PTPN21: variants seen among roughly 807,000 people sequenced by gnomAD.
The protein encoded by PTPN21 is tyrosine-protein phosphatase non-receptor type 21.
Under a neutral mutation model 131.8 loss-of-function variants are expected in PTPN21, and 77 were observed. The ratio of observed to expected loss-of-function variants is 0.58; its 90% CI spans 0.49 to 0.71. PTPN21 has a LOEUF of 0.71. Ranked by LOEUF, PTPN21 falls within the 30% of genes least tolerant of loss-of-function variation. The pLI is 0.00. For synonymous variants in PTPN21, 715 were observed against 621.3 expected, an observed-to-expected ratio of 1.15 and a Z score of -2.24; for missense variants, 1,552 against 1,527.1, an observed-to-expected ratio of 1.02 and a Z score of -0.27.
intron 2 of PTPN21, among the ~76,000 whole-genome samples, chr14:88,531,556 CA>C (rs1000688399): frequency 6.6e-6 from 1 of 151,526 alleles, no homozygotes; most frequent in Non-Finnish European, 1.5e-5. Flanking sequence ...GACTCCATCT[CA>C]AAAAAACAAA....
intron 2 of PTPN21, among the ~76,000 whole-genome samples, chr14:88,521,139 A>G (rs1483434815): frequency 1.3e-5 from 2 of 152,036 alleles, no homozygotes; most frequent in Non-Finnish European, 2.9e-5. Context: ...CCACTGTGCC[A>G]GCCTGAAAAC....
rs1281848036 is a variant in PTPN21, at chr14:88,467,333, T to C, written c.*804A>G. On this transcript the variant is annotated 3_prime_UTR_variant, in exon 19 of 19. Coordinates refer to ENST00000556564, the MANE Select transcript of PTPN21 (RefSeq NM_007039.4). ...TGTTTTTCACTTCATTTTCAACCAATAAAATCAAATTCATTTAGATCTATG... is the reference window on the plus strand; with the variant it reads ...TGTTTTTCACTTCATTTTCAACCAACAAAATCAAATTCATTTAGATCTATG... The C allele has an allele frequency of 6.6e-6, 1 of 152,202 alleles. No individual in the cohort carries two copies. The highest frequency in any genetic ancestry group is 2.4e-5 in the African/African-American group (1 of 41,450). The allele number at this position is 152,202 out of a possible 1,614,324, so 9.4% of individuals were successfully genotyped here.
rs1566813272 is a variant in PTPN21, at chr14:88,479,543, CGTGG to C, written c.1884_1887del (p.His629ArgfsTer64). On this transcript the variant is annotated frameshift_variant, in exon 13 of 19. Transcript: ENST00000556564. LOFTEE classifies it high-confidence loss of function. ...ATGCTGTTCCGTTTGTGCAGCTGCG[CGTGG>C]CGCGCGGCGGTGAGGGGCTCGCTGA... 3.0e-5 allele frequency: 48 copies of C among 1,599,676 alleles called. No individual in the cohort carries two copies. Among genetic ancestry groups the C allele is most frequent in the Non-Finnish European group, 4.1e-5 (48 of 1,179,134 alleles).
intron 13 of PTPN21, among the ~76,000 whole-genome samples, chr14:88,477,752 G>A (rs985866641): frequency 1.3e-5 from 2 of 152,134 alleles, no homozygotes; most frequent in African/African-American, 4.8e-5. Flanking sequence ...CCTGGCTCAA[G>A]TGCAGGGCAT....
rs770198644 is a variant in PTPN21 at position 88,496,446 on chromosome 14, C to T, written c.899G>A (p.Arg300Gln). Residue 300 changes from arginine (R) to glutamine (Q), a missense_variant, in exon 10 of 19, where the codon CGA (arginine) becomes CAA (glutamine). By Grantham distance (43) the Arg-to-Gln change is conservative (BLOSUM62 1). Around this residue, in one of 4 missense-constraint regions of PTPN21, gnomAD observed 1,016 missense variants for 883.5 expected, o/e 1.15. Coordinates refer to ENST00000556564, the MANE Select transcript of PTPN21 (RefSeq NM_007039.4). ...AKYIWRLCVA[R>Q]HKFYRLNQCN... is the part of the protein sequence containing the mutation. ...CTGGTTTAGTCTGTAAAACTTGTGTCGCGCAACACAGAGTCTCCAAATGTA... is the reference window on the plus strand; with the variant it reads ...CTGGTTTAGTCTGTAAAACTTGTGTTGCGCAACACAGAGTCTCCAAATGTA... 70 of 1,613,780 alleles carry T rather than the reference C, an allele frequency of 4.3e-5. No individual in the cohort carries two copies. The highest frequency in any genetic ancestry group is 5.4e-5 in the Non-Finnish European group (64 of 1,179,876).
intron 2 of PTPN21, 133 bp from the exon 3 acceptor site, chr14:88,517,394 CA>C (rs1266107329): frequency 7.9e-5 from 78 of 986,548 alleles, no homozygotes; most frequent in Non-Finnish European, 1.1e-4. Flanking sequence ...AGAAGAACAA[CA>C]GCAAAAACTG....
chr14:88,497,066 A>G, intron 9 of PTPN21, 137 bp downstream of exon 9: 1 of 812,008 alleles, frequency 1.2e-6, no homozygotes, highest in Non-Finnish European at 2.0e-6. Context: ...CTATATGATA[A>G]AACTGCATGT....
chr14:88,529,983 GAA>G (rs1211946748), intron 2 of PTPN21, among the ~76,000 whole-genome samples: 3 of 124,190 alleles, frequency 2.4e-5, no homozygotes, highest in African/African-American at 5.9e-5. Flanking sequence ...ACCATCTCAA[GAA>G]AAAAAAAAAA....
At chr14:88,529,783 A>G (rs1379248456) in intron 2 of PTPN21, among the ~76,000 whole-genome samples, 2 of 152,064 alleles carry the variant, frequency 1.3e-5, no homozygotes, top group Non-Finnish European at 2.9e-5. Context: ...GGAGTTTGAG[A>G]CCAGTCTGGC....
rs1366255360 is a variant in PTPN21, at chr14:88,496,641, G to GC, written c.853-150dup. 24 of 635,110 alleles carry GC rather than the reference G, an allele frequency of 3.8e-5. No individual in the cohort carries two copies. In the Admixed American group the frequency reaches 5.5e-4, roughly 15 times the overall value. The allele number at this position is 635,110 out of a possible 1,614,324, so 39.3% of individuals were successfully genotyped here. ...TAAGCCTTTCATTTTCCAACACTGT[G>GC]CCCATGGTATGAATACCACAAGTAG... On this transcript the variant is annotated intron_variant, in intron 9 of 18. Transcript: ENST00000556564.
intron 7 of PTPN21, 25 bp downstream of exon 7, chr14:88,501,256 G>A: frequency 6.4e-7 from 1 of 1,570,162 alleles, no homozygotes. Flanking sequence ...ACTTTAAAGA[G>A]CCCCAGCCGC....
rs1595342336 is a variant in PTPN21 at position 88,473,731 on chromosome 14, G to A, written c.2583C>T (p.Ser861=). The A allele has an allele frequency of 6.2e-7, 1 of 1,611,324 alleles. No homozygotes were observed. The highest frequency in any genetic ancestry group is 8.5e-7 in the Non-Finnish European group (1 of 1,179,522). ...PLKLAALNGL[S]LSRVPLPDEG... ...CATCAGGCAGAGGCACTCGAGATAG[G>A]GAGAGTCCATTTAGGGCAGCCAGTT... The change falls in exon 14 of 19, where the codon TCC becomes TCT. Residue 861 remains serine, a synonymous_variant. Coordinates refer to ENST00000556564, the MANE Select transcript of PTPN21 (RefSeq NM_007039.4).
chr14:88,466,344 A>G lies in PTPN21; in HGVS notation c.*1793T>C, dbSNP rs1054657196. ...GTACTTTCAATTAGTTTTCATTAATATCTTCTGAGTTTTCCTCTTAGGTGG... is the reference window on the plus strand; with the variant it reads ...GTACTTTCAATTAGTTTTCATTAATGTCTTCTGAGTTTTCCTCTTAGGTGG... On this transcript the variant is annotated 3_prime_UTR_variant, in exon 19 of 19. Coordinates refer to ENST00000556564, the MANE Select transcript of PTPN21 (RefSeq NM_007039.4). 7.2e-5 allele frequency: 11 copies of G among 152,264 alleles called. No homozygotes were observed. The highest frequency in any genetic ancestry group is 2.6e-4 in the African/African-American group (11 of 41,552). The allele number at this position is 152,264 out of a possible 1,614,324, so 9.4% of individuals were successfully genotyped here.
In PTPN21 at chr14:88,466,788, C is replaced by G. The variant is rs1307531691; in HGVS notation, c.*1349G>C. On this transcript the variant is annotated 3_prime_UTR_variant, in exon 19 of 19. Transcript: ENST00000556564. Reference sequence around the variant, plus strand: ...AGGGAATTATTAAGGAGCTAAAATGCAAGTACCTCTTGAATACCACAGCAA... The same window carrying G: ...AGGGAATTATTAAGGAGCTAAAATGGAAGTACCTCTTGAATACCACAGCAA... The G allele has an allele frequency of 6.6e-6, 1 of 152,154 alleles. No individual in the cohort carries two copies. Among genetic ancestry groups the G allele is most frequent in the East Asian group, 1.9e-4 (1 of 5,196 alleles). 9.4% of individuals were successfully genotyped at this position (152,154 alleles called of 1,614,324 possible).
At chr14:88,547,774 T>C (rs967902236) in intron 2 of PTPN21, 11 of 415,426 alleles carry the variant, frequency 2.6e-5, no homozygotes, top group Non-Finnish European at 5.3e-5. Flanking sequence ...TCCTCTAATC[T>C]ACCATGAGGG....
chr14:88,496,852 A>C (rs1453977448), intron 9 of PTPN21, among the ~76,000 whole-genome samples: 2 of 152,258 alleles, frequency 1.3e-5, no homozygotes, highest in Non-Finnish European at 2.9e-5. Flanking sequence ...TCAAGAGAGC[A>C]AAAGCAAGTA....
intron 8 of PTPN21, among the ~76,000 whole-genome samples, chr14:88,498,232 T>C (rs7160717): frequency 0.4 from 61,134 of 151,496 alleles, 13,446 homozygotes; most frequent in African/African-American, 0.59. Context: ...ACCAAGATTG[T>C]GCCACTGCAT....
At position 88,540,826 on chromosome 14, in the gene PTPN21, C is replaced by A. The variant is rs538228308; in HGVS notation, c.180+9412G>T. Reference sequence around the variant, plus strand: ...TACAGGTATATGACACCATGCCCAGCTAATTTTTTAATTTTTTGTATAGAT... The same window carrying A: ...TACAGGTATATGACACCATGCCCAGATAATTTTTTAATTTTTTGTATAGAT... On this transcript the variant is annotated intron_variant, in intron 2 of 18. Coordinates refer to ENST00000556564, the MANE Select transcript of PTPN21 (RefSeq NM_007039.4). Among the ~76,000 whole-genome samples the A allele has an allele frequency of 2.0e-5, 3 of 152,168 alleles. No individual in the cohort carries two copies. The East Asian group carries it at 5.8e-4, about 29-fold the overall frequency.
Position 88,479,170 on chromosome 14 carries a change from G to C in PTPN21, c.2261C>G (p.Pro754Arg). Reference protein sequence around the residue: ...PGCPRVLLAGPLHILEPKAHV... With the variant: ...PGCPRVLLAGRLHILEPKAHV... ...GGCCTTGGGCTCCAGGATGTGCAGG[G>C]GCCCGGCGAGCAGGACGCGAGGGCA... The change falls in exon 13 of 19, where the codon CCC (proline) becomes CGC (arginine). Residue 754 changes from proline to arginine, a missense_variant. By Grantham distance (103) the Pro-to-Arg change is moderately radical. This residue lies in a region of PTPN21 where 1,016 missense variants were observed against 883.5 expected (regional missense o/e 1.15). Coordinates refer to ENST00000556564, the MANE Select transcript of PTPN21 (RefSeq NM_007039.4). 4 of 1,553,006 alleles carry C rather than the reference G, an allele frequency of 2.6e-6. No homozygotes were observed. The highest frequency in any genetic ancestry group is 3.5e-6 in the Non-Finnish European group (4 of 1,153,206).
Sources: allele counts gnomAD v4.1 joint callset (sites outside exome capture counted in the v4.1 genomes callset), GRCh38; gene constraint gnomAD v4.1.1; regional missense constraint gnomAD v4.1.1; transcripts MANE v1.5; gene names NCBI Gene and HGNC (gene_info 2026-07-23, HGNC 2026-07-21).